The following SHISA9 variants were observed in gnomAD, a reference collection of about 807,000 sequenced individuals.
SHISA9 encodes shisa family member 9.
In SHISA9, 13 loss-of-function variants were observed where a neutral mutation model predicts 38.0. That is an observed-to-expected ratio of 0.34 (90% confidence interval 0.22 to 0.54). The LOEUF (loss-of-function observed/expected upper bound fraction) is 0.54. SHISA9 is among the 20% of genes least tolerant of loss of function. The pLI is 0.91. For synonymous variants in SHISA9, 275 were observed against 242.0 expected, an observed-to-expected ratio of 1.14 and a Z score of -1.27; for missense variants, 538 against 575.8, an observed-to-expected ratio of 0.93 and a Z score of 0.67.
intron 2 of SHISA9, among the ~76,000 whole-genome samples, chr16:13,058,489 C>A (rs1157012271): frequency 1.3e-5 from 2 of 152,162 alleles, no homozygotes; most frequent in Non-Finnish European, 2.9e-5. Flanking sequence ...CCCACAACTA[C>A]CATGACTTAC....
At chr16:13,261,512 G>A in the SHISA9 span, among the ~76,000 whole-genome samples, 1 of 152,132 alleles carries the variant, frequency 6.6e-6, no homozygotes, top group African/African-American at 2.4e-5. Flanking sequence ...TAATTCCACA[G>A]CACCCCCACC....
At chr16:13,063,242 G>A (rs896243180) in intron 2 of SHISA9, among the ~76,000 whole-genome samples, 3 of 151,948 alleles carry the variant, frequency 2.0e-5, no homozygotes, top group Non-Finnish European at 2.9e-5. Context: ...TCCTGACCTC[G>A]TGATCTGCCC....
At chr16:12,944,922 G>C (rs767820190) in intron 2 of SHISA9, among the ~76,000 whole-genome samples, 2 of 152,216 alleles carry the variant, frequency 1.3e-5, no homozygotes, top group Non-Finnish European at 2.9e-5. Flanking sequence ...ACCCATCAAG[G>C]GTGTGTCATC....
At chr16:12,956,365 A>G (rs1448175154) in intron 2 of SHISA9, among the ~76,000 whole-genome samples, 1 of 152,228 alleles carries the variant, frequency 6.6e-6, no homozygotes, top group African/African-American at 2.4e-5. Flanking sequence ...TTGACCCAGC[A>G]ATAACACCAT....
At chr16:13,210,026 G>A (rs571379134) in intron 3 of SHISA9, among the ~76,000 whole-genome samples, 64 of 152,226 alleles carry the variant, frequency 4.2e-4, no homozygotes, top group African/African-American at 1.3e-3. Context: ...GCGTGAACCC[G>A]GGAGGCGGAG....
the SHISA9 span, among the ~76,000 whole-genome samples, chr16:13,252,960 AACTCCTCTTCTC>A: frequency 6.6e-6 from 1 of 152,238 alleles, no homozygotes; most frequent in Admixed American, 6.5e-5. Context: ...TAGCAAGACC[AACTCCTCTTCTC>A]ACTCCTCTTC....
At chr16:13,344,081 T>C in the SHISA9 span, among the ~76,000 whole-genome samples, 14 of 152,234 alleles carry the variant, frequency 9.2e-5, no homozygotes, top group African/African-American at 3.1e-4. Context: ...GACGGTCTGT[T>C]GGCAGAGACA....
intron 2 of SHISA9, among the ~76,000 whole-genome samples, chr16:13,169,003 A>G (rs1596697842): frequency 6.6e-6 from 1 of 152,156 alleles, no homozygotes; most frequent in Non-Finnish European, 1.5e-5. Flanking sequence ...TTATAGTGGA[A>G]CCTATTGAGG....
the SHISA9 span, among the ~76,000 whole-genome samples, chr16:13,276,804 A>C: frequency 6.6e-6 from 1 of 152,012 alleles, no homozygotes; most frequent in Non-Finnish European, 1.5e-5. Context: ...TTAGTTGTAG[A>C]TTCCGGATAT....
At chr16:13,071,412 A>T (rs1166083403) in intron 2 of SHISA9, among the ~76,000 whole-genome samples, 2 of 152,004 alleles carry the variant, frequency 1.3e-5, no homozygotes, top group Non-Finnish European at 2.9e-5. Flanking sequence ...TACTATTTCC[A>T]TTTTACAGAT....
intron 2 of SHISA9, among the ~76,000 whole-genome samples, chr16:13,022,328 TA>T (rs1161724876): frequency 6.9e-6 from 1 of 144,208 alleles, no homozygotes; most frequent in South Asian, 2.3e-4. Flanking sequence ...ATTTTTACAT[TA>T]AAAAAATTTT....
At chr16:13,482,886 C>G in the SHISA9 span, among the ~76,000 whole-genome samples, 1 of 151,074 alleles carries the variant, frequency 6.6e-6, no homozygotes, top group East Asian at 2.0e-4. Context: ...ATCTGTCTAA[C>G]TCTACTGCTA....
chr16:13,472,344 C>A, the SHISA9 span, among the ~76,000 whole-genome samples: 196 of 145,360 alleles, frequency 1.3e-3, no homozygotes, highest in Middle Eastern at 3.7e-3. Flanking sequence ...TTGAATTCAT[C>A]CCTTCATTTA....
At chr16:13,031,963 C>T (rs534972075) in intron 2 of SHISA9, among the ~76,000 whole-genome samples, 3 of 152,190 alleles carry the variant, frequency 2.0e-5, no homozygotes, top group Admixed American at 6.5e-5. Flanking sequence ...TGAGCCATGC[C>T]CACCCACATC....
At chr16:13,097,670 C>T (rs2073841227) in intron 2 of SHISA9, among the ~76,000 whole-genome samples, 1 of 152,198 alleles carries the variant, frequency 6.6e-6, no homozygotes, top group Admixed American at 6.5e-5. Context: ...TCCCAAAGTG[C>T]TGGAATGACA....
chr16:13,296,891 C>CAAAAAAAAA, the SHISA9 span, among the ~76,000 whole-genome samples: 5 of 26,588 alleles, frequency 1.9e-4, no homozygotes, highest in African/African-American at 1.5e-4. Flanking sequence ...AACTCCATCT[C>CAAAAAAAAA]AAAAAAAAAA....
chr16:13,256,076 C>T, the SHISA9 span, among the ~76,000 whole-genome samples: 1 of 152,084 alleles, frequency 6.6e-6, no homozygotes, highest in African/African-American at 2.4e-5. Flanking sequence ...TGGAAGTTCC[C>T]CCATACATTC....
the SHISA9 span, among the ~76,000 whole-genome samples, chr16:13,328,633 CACATAT>C: frequency 2.2e-4 from 21 of 95,638 alleles, no homozygotes; most frequent in African/African-American, 8.5e-4. Flanking sequence ...CACACACACA[CACATAT>C]ATATTGTATT....
At chr16:13,323,705 G>A in the SHISA9 span, among the ~76,000 whole-genome samples, 9 of 152,190 alleles carry the variant, frequency 5.9e-5, no homozygotes, top group African/African-American at 1.4e-4. Context: ...GCAGGAAGAA[G>A]TGTCGAGCAA....
Sources: gnomAD v4.1 joint callset for allele counts (sites outside exome capture counted in the v4.1 genomes callset) on GRCh38, gnomAD v4.1.1 for gene constraint, MANE v1.5 for transcripts, NCBI Gene and HGNC (gene_info 2026-07-23, HGNC 2026-07-21) for gene names.